The following RPSA2 variants were observed in gnomAD, a reference collection of about 807,000 sequenced individuals.
RPSA2 encodes ribosomal protein SA 2, also known as small ribosomal subunit protein uS2B.
chr19:23,842,313 G>A, the RPSA2 span, among the ~76,000 whole-genome samples: 10 of 152,244 alleles, frequency 6.6e-5, no homozygotes, highest in East Asian at 5.8e-4. Context: ...GTTCTATGCC[G>A]TGTTATTCAG....
chr19:23,833,270 CATAAG>C, the RPSA2 span: 7 of 862,056 alleles, frequency 8.1e-6, no homozygotes, highest in African/African-American at 1.3e-4. Flanking sequence ...ACTTAATGCA[CATAAG>C]ATAACTTATA....
chr19:23,764,799 TTAAA>T, the RPSA2 span, among the ~76,000 whole-genome samples: 2 of 151,404 alleles, frequency 1.3e-5, no homozygotes, highest in African/African-American at 2.4e-5. Context: ...GAACTCCACT[TTAAA>T]AAAAAAAAAA....
the RPSA2 span, among the ~76,000 whole-genome samples, chr19:23,794,510 G>A: frequency 7.9e-5 from 12 of 151,954 alleles, no homozygotes; most frequent in Non-Finnish European, 1.8e-4. Context: ...TCTTTTTCAT[G>A]TTTTTTGTCT....
At chr19:23,832,710 G>A in the RPSA2 span, 1 of 1,518,736 alleles carries the variant, frequency 6.6e-7, no homozygotes, top group East Asian at 2.6e-5. Flanking sequence ...ACACTGGAGA[G>A]AAACCCTACA....
chr19:23,801,250 G>GC, the RPSA2 span, among the ~76,000 whole-genome samples: 1 of 129,138 alleles, frequency 7.7e-6, no homozygotes, highest in African/African-American at 3.0e-5. Context: ...TTTTAGGGGA[G>GC]GGTTGGGGGG....
chr19:23,857,038 A>C, the RPSA2 span, among the ~76,000 whole-genome samples: 2 of 152,210 alleles, frequency 1.3e-5, no homozygotes, highest in African/African-American at 2.4e-5. Flanking sequence ...GCAGGAGACC[A>C]GGGCTTATCT....
chr19:23,765,524 A>C, the RPSA2 span, among the ~76,000 whole-genome samples: 1 of 152,196 alleles, frequency 6.6e-6, no homozygotes, highest in Non-Finnish European at 1.5e-5. Flanking sequence ...ATTCTTAGCA[A>C]ACTAACACAG....
At chr19:23,830,576 C>T in the RPSA2 span, among the ~76,000 whole-genome samples, 1 of 3,064 alleles carries the variant, frequency 3.3e-4, no homozygotes, top group Non-Finnish European at 4.7e-3. Flanking sequence ...ATTTTTACAT[C>T]ATATTTTCTT....
the RPSA2 span, among the ~76,000 whole-genome samples, chr19:23,807,648 CAG>C: frequency 0.51 from 77,777 of 151,770 alleles, 20,375 homozygotes; most frequent in South Asian, 0.62. Flanking sequence ...TCTCTTTTCT[CAG>C]AGTTAGAGAA....
At chr19:23,851,340 C>T in the RPSA2 span, among the ~76,000 whole-genome samples, 4 of 152,158 alleles carry the variant, frequency 2.6e-5, no homozygotes, top group African/African-American at 9.7e-5. Flanking sequence ...TTTAATCCAG[C>T]AGCATTGACA....
the RPSA2 span, among the ~76,000 whole-genome samples, chr19:23,846,498 T>G: frequency 6.6e-6 from 1 of 152,200 alleles, no homozygotes; most frequent in Non-Finnish European, 1.5e-5. Context: ...ATGGTGAATA[T>G]CAATCTTTTG....
chr19:23,796,007 C>T, the RPSA2 span, among the ~76,000 whole-genome samples: 148,962 of 152,290 alleles, frequency 0.98, 72,947 homozygotes, highest in Middle Eastern at 1. Context: ...TCGGGTGATC[C>T]GCCTGCCTTG....
chr19:23,858,213 G>T, the RPSA2 span, among the ~76,000 whole-genome samples: 3 of 136,504 alleles, frequency 2.2e-5, no homozygotes, highest in Admixed American at 8.2e-5. Context: ...TTGTTGTGTT[G>T]GTCATTGAAA....
the RPSA2 span, among the ~76,000 whole-genome samples, chr19:23,844,267 T>C: frequency 6.6e-6 from 1 of 152,214 alleles, no homozygotes; most frequent in Non-Finnish European, 1.5e-5. Flanking sequence ...TACTTGTCTT[T>C]GCTTTGAATT....
At chr19:23,789,537 G>C in the RPSA2 span, among the ~76,000 whole-genome samples, 1 of 152,184 alleles carries the variant, frequency 6.6e-6, no homozygotes, top group African/African-American at 2.4e-5. Context: ...CCTTGAACCA[G>C]GCAATAAAAG....
the RPSA2 span, among the ~76,000 whole-genome samples, chr19:23,786,423 C>T: frequency 6.6e-6 from 1 of 152,118 alleles, no homozygotes; most frequent in Non-Finnish European, 1.5e-5. Flanking sequence ...GGATCCAGCA[C>T]CTCGGTGATT....
the RPSA2 span, among the ~76,000 whole-genome samples, chr19:23,788,846 C>T: frequency 4.6e-5 from 7 of 152,174 alleles, no homozygotes; most frequent in Non-Finnish European, 8.8e-5. Context: ...ACTGTCCTCG[C>T]CTACATGCTT....
chr19:23,834,144 G>A, the RPSA2 span, among the ~76,000 whole-genome samples: 592 of 151,922 alleles, frequency 3.9e-3, 1 homozygote, highest in Middle Eastern at 6.8e-3. Flanking sequence ...AGAGTGCTGC[G>A]TATAAAAAAT....
the RPSA2 span, chr19:23,759,039 C>A: frequency 3.7e-6 from 2 of 534,498 alleles, no homozygotes; most frequent in Non-Finnish European, 6.6e-6. Flanking sequence ...AGATGCTCTG[C>A]TGAATGAAGA....
Sources: allele counts gnomAD v4.1 joint callset (sites outside exome capture counted in the v4.1 genomes callset), GRCh38; gene constraint gnomAD v4.1.1; transcripts MANE v1.5; gene names NCBI Gene and HGNC (gene_info 2026-07-23, HGNC 2026-07-21).